The following EPHB4 variants were observed in gnomAD, a reference collection of about 807,000 sequenced individuals.
EPHB4 encodes the protein EPH receptor B4.
A neutral mutation model predicts 110.6 loss-of-function variants in EPHB4; 50 were observed. The ratio of observed to expected loss-of-function variants is 0.45; its 90% confidence interval spans 0.36 to 0.57. The LOEUF (loss-of-function observed/expected upper bound fraction) is 0.57, where lower values mean the gene tolerates loss of function less well. Ranked by LOEUF, EPHB4 falls within the 20% of genes least tolerant of loss-of-function variation. The probability of loss-of-function intolerance (pLI) is 0.00; values close to 1 mark genes in which losing one functional copy is unlikely to be tolerated. For synonymous variants in EPHB4, 592 were observed against 578.4 expected, an observed-to-expected ratio of 1.02 and a Z score of -0.34; for missense variants, 1,128 against 1,382.1, an observed-to-expected ratio of 0.82 and a Z score of 2.91.
At chr7:100,813,293 C>A in intron 10 of EPHB4, 85 bp from the exon 11 acceptor site, 2 of 1,053,618 alleles carry the variant, frequency 1.9e-6, no homozygotes, top group Non-Finnish European at 2.7e-6. Flanking sequence ...AGCCCCAAAC[C>A]CCTGTCTCCG....
chr7:100,821,901 C>A (rs1346949877), intron 4 of EPHB4, among the ~76,000 whole-genome samples: 2 of 152,036 alleles, frequency 1.3e-5, no homozygotes, highest in African/African-American at 2.4e-5. Flanking sequence ...TGACGCACGC[C>A]TGTAATCCCA....
rs771574231 is a variant in EPHB4, at chr7:100,807,572, G to C, written c.2127C>G (p.Asp709Glu). Reference protein sequence around the residue: ...GALDSFLRLNDGQFTVIQLVG... With the variant: ...GALDSFLRLNEGQFTVIQLVG... ...CGAGCTGGATGACTGTGAACTGTCC[G>C]TCGTTTAGCTGGAGAGCAGATAGGG... The change falls in exon 13 of 17, where the codon GAC becomes GAG. Residue 709 changes from aspartate to glutamate, a missense_variant. This residue lies in a region of EPHB4 where 191 missense variants were observed against 313.0 expected (regional missense o/e 0.61). Coordinates refer to ENST00000358173, the MANE Select transcript of EPHB4 (RefSeq NM_004444.5). 3 of 1,612,920 alleles carry C rather than the reference G, an allele frequency of 1.9e-6. No homozygotes were observed. The highest frequency in any genetic ancestry group is 1.7e-6 in the Non-Finnish European group (2 of 1,179,220).
chr7:100,813,044 C>T (rs145692394), intron 11 of EPHB4, 50 bp from the exon 12 acceptor site: 100 of 1,612,396 alleles, frequency 6.2e-5, no homozygotes, highest in Non-Finnish European at 8.1e-5. Flanking sequence ...CAGTGTGGCC[C>T]TGCCCACCCC....
chr7:100,803,704 C>A, intron 16 of EPHB4, 114 bp from the exon 17 acceptor site: 1 of 1,304,990 alleles, frequency 7.7e-7, no homozygotes, highest in East Asian at 2.7e-5. Context: ...GAAAAGCCAG[C>A]GGGGGAGGGA....
Position 100,827,070 on chromosome 7 carries a change from G to T in EPHB4, c.-40C>A. On this transcript the variant is annotated 5_prime_UTR_variant, in exon 1 of 17. Coordinates refer to ENST00000358173, the MANE Select transcript of EPHB4 (RefSeq NM_004444.5). ...CGGGTAGGATCCGAACTGAGTTTGG[G>T]GGGCCCTCGCCCCCCCAGGTCTGAC... 1 of 1,555,232 alleles carries T rather than the reference G, an allele frequency of 6.4e-7. No individual in the cohort carries two copies. The highest frequency in any genetic ancestry group is 8.7e-7 in the Non-Finnish European group (1 of 1,149,458).
chr7:100,824,337 T>A, intron 1 of EPHB4, 64 bp from the exon 2 acceptor site: 2 of 1,564,858 alleles, frequency 1.3e-6, no homozygotes, highest in Non-Finnish European at 1.8e-6. Context: ...GAAGACCAGA[T>A]CCCTGGGAAC....
At chr7:100,810,177 G>A (rs955293557) in intron 12 of EPHB4, among the ~76,000 whole-genome samples, 1 of 152,152 alleles carries the variant, frequency 6.6e-6, no homozygotes, top group Admixed American at 6.5e-5. Flanking sequence ...TTGAACCCAG[G>A]AGGCGGAGGT....
chr7:100,824,096 T>C, intron 2 of EPHB4, 107 bp downstream of exon 2: 2 of 1,554,196 alleles, frequency 1.3e-6, no homozygotes, highest in Non-Finnish European at 1.8e-6. Flanking sequence ...GCTGCTGTCA[T>C]CTGGGGGGAC....
Position 100,813,178 on chromosome 7 carries a change from T to C in EPHB4, c.1787A>G (p.Tyr596Cys). ...GTKVYIDPFT[Y>C]EDPNEAVREF... Reference sequence around the variant, plus strand: ...CCTCACAGCCTCATTAGGGTCTTCATAAGTGAAGGGGTCGATGTAGACCTT... The same window carrying C: ...CCTCACAGCCTCATTAGGGTCTTCACAAGTGAAGGGGTCGATGTAGACCTT... Residue 596 changes from tyrosine to cysteine, a missense_variant, in exon 11 of 17, where the codon TAT (tyrosine) becomes TGT (cysteine). This residue lies in a region of EPHB4 where 191 missense variants were observed against 313.0 expected (regional missense o/e 0.61). Coordinates refer to ENST00000358173, the MANE Select transcript of EPHB4 (RefSeq NM_004444.5). 6.2e-7 allele frequency: 1 copy of C among 1,606,980 alleles called. No individual in the cohort carries two copies. Among genetic ancestry groups the C allele is most frequent in the Non-Finnish European group, 8.5e-7 (1 of 1,179,982 alleles).
chr7:100,808,934 CCT>C (rs1220775196), intron 12 of EPHB4, among the ~76,000 whole-genome samples: 1 of 152,124 alleles, frequency 6.6e-6, no homozygotes, highest in Non-Finnish European at 1.5e-5. Flanking sequence ...CCCTTTTCTC[CCT>C]CACCAGCCAC....
chr7:100,825,465 C>T (rs564265640), intron 1 of EPHB4: 1 of 152,328 alleles, frequency 6.6e-6, no homozygotes, highest in African/African-American at 2.4e-5. Flanking sequence ...CCAGAGCAAG[C>T]GCAGGCTCCC....
At position 100,805,588 on chromosome 7, in the gene EPHB4, C is replaced by T. The variant is rs1328611138; in HGVS notation, c.2591G>A (p.Arg864Gln). 7.7e-6 allele frequency: 12 copies of T among 1,554,658 alleles called. No homozygotes were observed. The highest frequency in any genetic ancestry group is 1.4e-5 in the African/African-American group (1 of 72,734). ...LDCWQKDRNA[R>Q]PRFPQVVSAL... is the part of the protein sequence containing the mutation. ...GCTGACCACCTGGGGGAAGCGGGGC[C>T]GGGCATTCCGGTCTTTCTGCCAACA... The change falls in exon 15 of 17, where the codon CGG (arginine) becomes CAG (glutamine). Residue 864 changes from arginine to glutamine, a missense_variant. Arg to Gln is a conservative substitution (Grantham distance 43). Around this residue, in one of 3 missense-constraint regions of EPHB4, gnomAD observed 209 missense variants for 240.5 expected, o/e 0.87. Coordinates refer to ENST00000358173, the MANE Select transcript of EPHB4 (RefSeq NM_004444.5).
At chr7:100,808,188 A>T (rs1224112146) in intron 12 of EPHB4, among the ~76,000 whole-genome samples, 1 of 152,180 alleles carries the variant, frequency 6.6e-6, no homozygotes, top group African/African-American at 2.4e-5. Context: ...ACACTGCTTT[A>T]TACCCAGGAA....
chr7:100,813,444 T>G, intron 10 of EPHB4: 1 of 678,784 alleles, frequency 1.5e-6, no homozygotes, highest in Non-Finnish European at 2.5e-6. Context: ...GCCTCCTGAG[T>G]AGCTGGGATT....
chr7:100,813,466 C>T, intron 10 of EPHB4, 186 bp downstream of exon 10: 2 of 717,638 alleles, frequency 2.8e-6, no homozygotes, highest in Non-Finnish European at 4.7e-6. Flanking sequence ...CAGGTGCCCA[C>T]CACCATGCCT....
rs1584667593 is a variant in EPHB4, at chr7:100,824,338, C to G, written c.53-65G>C. The stretch of plus-strand genomic sequence containing the variant: ...GGGAGGGAGGTCAGGAAGACCAGAT[C>G]CCTGGGAACCGAGGCAGGTGGATCC... On this transcript the variant is annotated intron_variant, in intron 1 of 16. Coordinates refer to ENST00000358173, the MANE Select transcript of EPHB4 (RefSeq NM_004444.5). 3 of 1,554,772 alleles carry G rather than the reference C, an allele frequency of 1.9e-6. No individual in the cohort carries two copies. In the East Asian group the frequency reaches 6.7e-5, roughly 35 times the overall value.
Position 100,805,706 on chromosome 7 carries a change from G to A in EPHB4, c.2485-12C>T. 1 of 1,452,174 alleles carries A rather than the reference G, an allele frequency of 6.9e-7. No individual in the cohort carries two copies. The highest frequency in any genetic ancestry group is 9.1e-7 in the Non-Finnish European group (1 of 1,101,994). 90.0% of individuals were successfully genotyped at this position (1,452,174 alleles called of 1,614,324 possible). ...ATGGCATTGATCACCTGGAAAGAGG[G>A]GAAGAAGCTCTGGGTGAGGCTGTCC... On this transcript the variant is annotated splice_polypyrimidine_tract_variant and intron_variant, in intron 14 of 16. Coordinates refer to ENST00000358173, the MANE Select transcript of EPHB4 (RefSeq NM_004444.5).
rs771820421 is a variant in EPHB4, at chr7:100,823,895, T to C, written c.160A>G (p.Ser54Gly). The C allele has an allele frequency of 5.6e-6, 9 of 1,604,098 alleles. No homozygotes were observed. Among genetic ancestry groups the C allele is most frequent in the African/African-American group, 1.3e-5 (1 of 74,888 alleles). ...ELSGLDEEQH[S>G]VRTYEVCDVQ... ...TCACACACTTCGTAGGTGCGCACGC[T>C]GTGCTGTTCCTCATCCAGGCCGCTC... Residue 54 changes from serine (S) to glycine (G), a missense_variant, in exon 3 of 17, where the codon AGC (serine) becomes GGC (glycine). By Grantham distance (56) the Ser-to-Gly change is moderately conservative. This residue lies in a region of EPHB4 where 728 missense variants were observed against 828.6 expected (regional missense o/e 0.88). Coordinates refer to ENST00000358173, the MANE Select transcript of EPHB4 (RefSeq NM_004444.5).
chr7:100,817,456 T>C, intron 7 of EPHB4, 99 bp from the exon 8 acceptor site: 1 of 1,372,976 alleles, frequency 7.3e-7, no homozygotes, highest in African/African-American at 1.5e-5. Flanking sequence ...ATCACTAGCC[T>C]GCCTTGCAAC....
Sources: gnomAD v4.1 joint callset for allele counts (sites outside exome capture counted in the v4.1 genomes callset) on GRCh38, gnomAD v4.1.1 for gene constraint, gnomAD v4.1.1 regional missense constraint, MANE v1.5 for transcripts, NCBI Gene and HGNC (gene_info 2026-07-23, HGNC 2026-07-21) for gene names.